The following PRKCE variants were observed in gnomAD, a reference collection of about 807,000 sequenced individuals.
The protein encoded by PRKCE is protein kinase C epsilon type.
PRKCE carries 16 observed loss-of-function variants against 85.4 expected under a neutral mutation model. The ratio of observed to expected loss-of-function variants is 0.19; its 90% CI spans 0.13 to 0.28. The LOEUF (loss-of-function observed/expected upper bound fraction) is 0.28. Ranked by LOEUF, PRKCE falls within the 10% of genes least tolerant of loss-of-function variation. PRKCE has a pLI of 1.00. For missense variants in PRKCE, 573 were observed against 975.2 expected, an observed-to-expected ratio of 0.59 and a Z score of 5.49; for synonymous variants, 388 against 371.5, an observed-to-expected ratio of 1.04 and a Z score of -0.51.
intron 10 of PRKCE, among the ~76,000 whole-genome samples, chr2:46,077,167 G>GCA (rs68042105): frequency 0.12 from 17,922 of 150,128 alleles, 1,687 homozygotes; most frequent in African/African-American, 0.26. Context: ...TCTTTCTCGT[G>GCA]CACACACACA....
chr2:46,010,833 CCTAA>C (rs1276115928), intron 10 of PRKCE: 3 of 1,550,298 alleles, frequency 1.9e-6, no homozygotes, highest in African/African-American at 2.7e-5. Flanking sequence ...TTGCTCTGCT[CCTAA>C]CTTTCTATCA....
rs141574353 is a variant in PRKCE at position 46,046,717 on chromosome 2, A to G, written c.1437+36200A>G. Among the ~76,000 whole-genome samples the G allele has an allele frequency of 2.4e-3, 370 of 152,336 alleles. 4 individuals are homozygous for G. The highest frequency in any genetic ancestry group is 8.6e-3 in the African/African-American group (357 of 41,588). On this transcript the variant is annotated intron_variant, in intron 10 of 14. Coordinates refer to ENST00000306156, the MANE Select transcript of PRKCE (RefSeq NM_005400.3). ...TCAACTGTGTAGCTACAGCAGCAAC[A>G]TGATAGCGCTGCCCTTAGGGTCTAC...
chr2:46,150,023 AT>A (rs922513748), intron 12 of PRKCE, among the ~76,000 whole-genome samples: 1 of 151,614 alleles, frequency 6.6e-6, no homozygotes, highest in Non-Finnish European at 1.5e-5. Flanking sequence ...TGCCCAGCTA[AT>A]TTTTTTTAAG....
chr2:45,778,510 T>C (rs1199076549), intron 1 of PRKCE, among the ~76,000 whole-genome samples: 1 of 152,110 alleles, frequency 6.6e-6, no homozygotes, highest in African/African-American at 2.4e-5. Context: ...GTGTTCCGCC[T>C]TTGAGATGGT....
chr2:45,931,810 G>A (rs946992708), intron 2 of PRKCE, among the ~76,000 whole-genome samples: 4 of 152,056 alleles, frequency 2.6e-5, no homozygotes, highest in Admixed American at 6.6e-5. Context: ...GGGTTGCAGC[G>A]ATTCTCGTGC....
chr2:45,974,476 G>A (rs1475633740), intron 2 of PRKCE, among the ~76,000 whole-genome samples: 6 of 152,172 alleles, frequency 3.9e-5, no homozygotes, highest in Middle Eastern at 3.2e-3. Flanking sequence ...ACCTCCACCC[G>A]GGTCATCTGA....
At chr2:45,829,384 G>A (rs1690215374) in intron 1 of PRKCE, among the ~76,000 whole-genome samples, 1 of 152,148 alleles carries the variant, frequency 6.6e-6, no homozygotes, top group South Asian at 2.1e-4. Context: ...GGTGGTCCTG[G>A]AGAAAATGAG....
At chr2:46,012,030 C>G (rs1705723404) in intron 10 of PRKCE, among the ~76,000 whole-genome samples, 1 of 152,210 alleles carries the variant, frequency 6.6e-6, no homozygotes, top group Non-Finnish European at 1.5e-5. Context: ...TCTCATTTTT[C>G]ATGTGTGTTG....
intron 1 of PRKCE, among the ~76,000 whole-genome samples, chr2:45,799,373 T>C (rs4952777): frequency 0.22 from 34,015 of 152,020 alleles, 4,622 homozygotes; most frequent in Non-Finnish European, 0.3. Context: ...AGTAAATAGA[T>C]AAATTGTAGT....
intron 2 of PRKCE, among the ~76,000 whole-genome samples, chr2:45,890,913 G>T (rs35171738): frequency 6.6e-6 from 1 of 152,188 alleles, no homozygotes; most frequent in African/African-American, 2.4e-5. Context: ...CTGACAGCAC[G>T]CATGGTCTAG....
intron 1 of PRKCE, among the ~76,000 whole-genome samples, chr2:45,780,927 T>G (rs765337519): frequency 6.6e-6 from 1 of 152,228 alleles, no homozygotes; most frequent in Non-Finnish European, 1.5e-5. Context: ...CTTAACTGTC[T>G]CAGCTCAGAG....
At chr2:45,738,712 G>A (rs769134793) in intron 1 of PRKCE, among the ~76,000 whole-genome samples, 1 of 152,204 alleles carries the variant, frequency 6.6e-6, no homozygotes, top group African/African-American at 2.4e-5. Flanking sequence ...TGAGATGTTT[G>A]ATTGTCATAT....
intron 10 of PRKCE, among the ~76,000 whole-genome samples, chr2:46,065,815 G>A (rs955007629): frequency 1.0e-4 from 15 of 150,594 alleles, no homozygotes; most frequent in African/African-American, 3.7e-4. Context: ...CTGATCCCAG[G>A]AAAGTGTTTG....
intron 1 of PRKCE, among the ~76,000 whole-genome samples, chr2:45,788,719 T>A (rs890569878): frequency 4.6e-5 from 7 of 152,228 alleles, no homozygotes; most frequent in Non-Finnish European, 7.3e-5. Context: ...CATTATAACA[T>A]CAAATCTAAT....
intron 11 of PRKCE, among the ~76,000 whole-genome samples, chr2:46,130,954 G>C (rs1674389045): frequency 6.6e-6 from 1 of 152,064 alleles, no homozygotes; most frequent in Admixed American, 6.5e-5. Flanking sequence ...AAAAACTGGG[G>C]GTCACTTTTT....
chr2:45,765,559 C>G (rs1467283925), intron 1 of PRKCE, among the ~76,000 whole-genome samples: 1 of 152,258 alleles, frequency 6.6e-6, no homozygotes, highest in East Asian at 1.9e-4. Flanking sequence ...TTCAATACCT[C>G]ATCTTTGCCT....
At chr2:45,972,214 GAT>G (rs1702155238) in intron 2 of PRKCE, among the ~76,000 whole-genome samples, 1 of 152,124 alleles carries the variant, frequency 6.6e-6, no homozygotes, top group Non-Finnish European at 1.5e-5. Flanking sequence ...GATGATTAGT[GAT>G]GTAGAACATC....
chr2:45,664,590 G>T (rs1558536204), intron 1 of PRKCE, among the ~76,000 whole-genome samples: 1 of 152,194 alleles, frequency 6.6e-6, no homozygotes, highest in Non-Finnish European at 1.5e-5. Context: ...TATATTCCAA[G>T]TGTACAGAAC....
intron 10 of PRKCE, among the ~76,000 whole-genome samples, chr2:46,021,078 C>T (rs137864663): frequency 6.6e-6 from 1 of 151,960 alleles, no homozygotes; most frequent in African/African-American, 2.4e-5. Flanking sequence ...CACTGTGGAA[C>T]AGGGTGGATG....
Sources: gnomAD v4.1 joint callset for allele counts (sites outside exome capture counted in the v4.1 genomes callset) on GRCh38, gnomAD v4.1.1 for gene constraint, MANE v1.5 for transcripts, NCBI Gene and HGNC (gene_info 2026-07-23, HGNC 2026-07-21) for gene names.